The following ANXA2 variants were observed in gnomAD, a reference collection of about 807,000 sequenced individuals.
ANXA2 encodes annexin II.
ANXA2 carries 28 observed loss-of-function variants against 47.3 expected under a neutral mutation model. The ratio of observed to expected loss-of-function variants is 0.59; its 90% CI spans 0.44 to 0.81. The LOEUF (loss-of-function observed/expected upper bound fraction) is 0.81, where lower values mean the gene tolerates loss of function less well. Ranked by LOEUF, ANXA2 falls within the 40% of genes least tolerant of loss-of-function variation. ANXA2 has a pLI of 0.00. For synonymous variants in ANXA2, 172 were observed against 155.5 expected (o/e 1.11, Z -0.79); for missense variants, 384 against 414.3 (o/e 0.93, Z 0.64).
intron 3 of ANXA2, among the ~76,000 whole-genome samples, chr15:60,369,118 A>T (rs902398199): frequency 4.6e-5 from 7 of 152,038 alleles, no homozygotes; most frequent in Admixed American, 4.6e-4. Flanking sequence ...TTGAACAATG[A>T]CCCCCCACTT....
chr15:60,349,054 G>A, intron 12 of ANXA2, 21 bp downstream of exon 12: 1 of 1,613,692 alleles, frequency 6.2e-7, no homozygotes, highest in African/African-American at 1.3e-5. Context: ...AGGGCAGGCT[G>A]ACACTGCACC....
At chr15:60,381,271 T>A (rs542224677) in intron 3 of ANXA2, among the ~76,000 whole-genome samples, 7 of 152,296 alleles carry the variant, frequency 4.6e-5, no homozygotes, top group Admixed American at 4.6e-4. Context: ...AAATGTGACA[T>A]GGCTCTTCAC....
intron 3 of ANXA2, among the ~76,000 whole-genome samples, chr15:60,380,801 T>A (rs1182356939): frequency 2.6e-5 from 2 of 75,794 alleles, no homozygotes; most frequent in East Asian, 3.9e-4. Flanking sequence ...TGAAACTCCA[T>A]CTCAAAAAAA....
chr15:60,390,164 A>AC (rs2062989240), intron 1 of ANXA2: 1 of 639,076 alleles, frequency 1.6e-6, no homozygotes. Context: ...ATTTTGCAGA[A>AC]AAAAAAAACA....
chr15:60,379,521 C>T (rs944309198), intron 3 of ANXA2, among the ~76,000 whole-genome samples: 17 of 152,088 alleles, frequency 1.1e-4, no homozygotes, highest in Non-Finnish European at 2.2e-4. Flanking sequence ...AGTGCTACAA[C>T]ATTATGGTGC....
intron 3 of ANXA2, among the ~76,000 whole-genome samples, chr15:60,377,332 T>G (rs1055416585): frequency 2.0e-5 from 3 of 152,216 alleles, no homozygotes; most frequent in Non-Finnish European, 4.4e-5. Context: ...TTTAATTAAG[T>G]TTACTGCCTT....
chr15:60,356,784 A>G (rs577033590), intron 6 of ANXA2, among the ~76,000 whole-genome samples: 2 of 152,328 alleles, frequency 1.3e-5, no homozygotes, highest in East Asian at 3.9e-4. Flanking sequence ...CACAGTCCAG[A>G]GTTGGCAACC....
At chr15:60,353,356 A>G (rs2062377661) in intron 8 of ANXA2, among the ~76,000 whole-genome samples, 1 of 152,002 alleles carries the variant, frequency 6.6e-6, no homozygotes, top group Admixed American at 6.6e-5. Flanking sequence ...CCCCACCACA[A>G]CAGAGCAGTA....
At chr15:60,390,228 A>G (rs2062990213) in intron 1 of ANXA2, 3 of 1,004,530 alleles carry the variant, frequency 3.0e-6, no homozygotes, top group Non-Finnish European at 3.6e-6. Flanking sequence ...AGCAGTATCT[A>G]TGAAATTTGA....
intron 1 of ANXA2, chr15:60,391,434 G>C (rs2063009048): frequency 1.3e-5 from 2 of 152,318 alleles, no homozygotes; most frequent in African/African-American, 4.8e-5. Flanking sequence ...ATGCCCCAGG[G>C]TGGCAGAAGA....
intron 1 of ANXA2, chr15:60,386,708 T>G (rs1194482454): frequency 6.6e-6 from 1 of 152,256 alleles, no homozygotes; most frequent in East Asian, 1.9e-4. Context: ...TTTGAAATGG[T>G]TGAAATGAAG....
chr15:60,371,284 A>G (rs891082983), intron 3 of ANXA2, among the ~76,000 whole-genome samples: 40 of 152,220 alleles, frequency 2.6e-4, no homozygotes, highest in Non-Finnish European at 8.8e-5. Flanking sequence ...TGCCAAGGGA[A>G]TGCCACGGGG....
chr15:60,357,576 G>A (rs1352052543), intron 5 of ANXA2, among the ~76,000 whole-genome samples: 3 of 152,128 alleles, frequency 2.0e-5, no homozygotes, highest in Middle Eastern at 6.8e-3. Context: ...GGCAGATCAC[G>A]AGGTCAAGAG....
chr15:60,392,038 T>C (rs1035453368), intron 1 of ANXA2, among the ~76,000 whole-genome samples: 4 of 152,204 alleles, frequency 2.6e-5, no homozygotes, highest in African/African-American at 9.7e-5. Context: ...AACGTTTTTC[T>C]GTTTAAGGAA....
intron 8 of ANXA2, among the ~76,000 whole-genome samples, chr15:60,353,710 G>C (rs550028365): frequency 2.6e-5 from 4 of 152,176 alleles, no homozygotes; most frequent in Non-Finnish European, 5.9e-5. Context: ...AGCAGTGCAA[G>C]GTGGGACTCC....
intron 7 of ANXA2, chr15:60,355,626 T>A: frequency 2.1e-6 from 1 of 476,554 alleles, no homozygotes; most frequent in African/African-American, 2.0e-5. Context: ...AAAGTGACCT[T>A]CCCTAAGTCA....
chr15:60,378,750 G>A (rs2062814586), intron 3 of ANXA2, among the ~76,000 whole-genome samples: 1 of 152,222 alleles, frequency 6.6e-6, no homozygotes, highest in East Asian at 1.9e-4. Context: ...CGGATCACTT[G>A]AGGCCAGGAG....
At chr15:60,361,262 T>C (rs548894940) in intron 4 of ANXA2, among the ~76,000 whole-genome samples, 2 of 152,328 alleles carry the variant, frequency 1.3e-5, no homozygotes, top group African/African-American at 4.8e-5. Context: ...ACGAAATTCC[T>C]TAAAATCCAA....
At chr15:60,376,376 G>C (rs2062778976) in intron 3 of ANXA2, among the ~76,000 whole-genome samples, 1 of 150,544 alleles carries the variant, frequency 6.6e-6, no homozygotes, top group Admixed American at 6.6e-5. Flanking sequence ...GCAAAACTCT[G>C]TCTCAAAAAA....
Sources: gnomAD v4.1 joint callset for allele counts (sites outside exome capture counted in the v4.1 genomes callset) on GRCh38, gnomAD v4.1.1 for gene constraint, MANE v1.5 for transcripts, NCBI Gene and HGNC (gene_info 2026-07-23, HGNC 2026-07-21) for gene names.